COL23A1: variants seen among roughly 807,000 people sequenced by gnomAD.
COL23A1 encodes the protein collagen alpha-1(XXIII) chain.
In COL23A1, 97 loss-of-function variants were observed where a neutral mutation model predicts 99.3. The ratio of observed to expected loss-of-function variants is 0.98; its 90% CI spans 0.83 to 1.16. The LOEUF (loss-of-function observed/expected upper bound fraction) is 1.16, where lower values mean the gene tolerates loss of function less well. Among genes scored for constraint, COL23A1 ranks in the 50% most tolerant of loss-of-function variants. COL23A1 has a pLI of 0.00. For missense variants in COL23A1, 762 were observed against 757.4 expected (o/e 1.01, Z -0.07); for synonymous variants, 320 against 308.2 (o/e 1.04, Z -0.40).
At chr5:178,328,429 A>T (rs1759819754) in intron 2 of COL23A1, among the ~76,000 whole-genome samples, 1 of 152,234 alleles carries the variant, frequency 6.6e-6, no homozygotes, top group Non-Finnish European at 1.5e-5. Flanking sequence ...AGCGCAGAGC[A>T]GCCTGGTAAA....
intron 2 of COL23A1, among the ~76,000 whole-genome samples, chr5:178,448,129 T>C (rs1003615131): frequency 1.3e-5 from 2 of 151,860 alleles, no homozygotes; most frequent in Non-Finnish European, 2.9e-5. Flanking sequence ...TTTGTTCTGT[T>C]AGTGCTAGTC....
intron 18 of COL23A1, among the ~76,000 whole-genome samples, chr5:178,249,704 ACACACACACACACT>A (rs1384441350): frequency 9.7e-6 from 1 of 103,122 alleles, no homozygotes; most frequent in Non-Finnish European, 2.2e-5. Context: ...ACACACACAC[ACACACACACACACT>A]CTCTCTCTCT....
At chr5:178,536,589 G>A (rs1760976969) in intron 2 of COL23A1, among the ~76,000 whole-genome samples, 1 of 152,230 alleles carries the variant, frequency 6.6e-6, no homozygotes, top group South Asian at 2.1e-4. Context: ...CCTGCTGGGA[G>A]CCTCCCAAGC....
At chr5:178,339,107 G>T (rs1157803794) in intron 2 of COL23A1, among the ~76,000 whole-genome samples, 1 of 152,130 alleles carries the variant, frequency 6.6e-6, no homozygotes, top group East Asian at 1.9e-4. Context: ...TCAAAGAGAG[G>T]TTCATGCTGT....
At chr5:178,551,323 CTTTA>C (rs1317715123) in intron 2 of COL23A1, among the ~76,000 whole-genome samples, 1 of 151,808 alleles carries the variant, frequency 6.6e-6, no homozygotes, top group Non-Finnish European at 1.5e-5. Context: ...ACTTCAAGAT[CTTTA>C]TTTATAGGAC....
chr5:178,397,336 T>C (rs1469018464), intron 2 of COL23A1, among the ~76,000 whole-genome samples: 2 of 152,220 alleles, frequency 1.3e-5, no homozygotes, highest in African/African-American at 4.8e-5. Flanking sequence ...CCGGCAGGCC[T>C]CTCGCAGGAG....
At chr5:178,546,206 C>T (rs896293560) in intron 2 of COL23A1, among the ~76,000 whole-genome samples, 18 of 152,024 alleles carry the variant, frequency 1.2e-4, no homozygotes, top group African/African-American at 3.1e-4. Flanking sequence ...TATGGGGTGG[C>T]GGGGGGCAGA....
At chr5:178,286,264 G>A (rs893281158) in intron 5 of COL23A1, among the ~76,000 whole-genome samples, 15 of 152,164 alleles carry the variant, frequency 9.9e-5, no homozygotes, top group African/African-American at 4.8e-5. Flanking sequence ...CCAGGGGCAC[G>A]GCTGCCAGAG....
chr5:178,296,981 A>G (rs1365633238), intron 3 of COL23A1, among the ~76,000 whole-genome samples: 1 of 152,110 alleles, frequency 6.6e-6, no homozygotes, highest in Non-Finnish European at 1.5e-5. Flanking sequence ...ACCCCTTTCC[A>G]GGGCTTCCCA....
At chr5:178,554,058 A>G (rs1296647786) in intron 2 of COL23A1, among the ~76,000 whole-genome samples, 3 of 152,166 alleles carry the variant, frequency 2.0e-5, no homozygotes, top group African/African-American at 7.2e-5. Flanking sequence ...CACAAGGAGG[A>G]TAAGTGTGAG....
chr5:178,493,099 C>G (rs1758016347), intron 2 of COL23A1, among the ~76,000 whole-genome samples: 1 of 152,188 alleles, frequency 6.6e-6, no homozygotes, highest in Admixed American at 6.5e-5. Flanking sequence ...ACTAGCTATT[C>G]CTGTTCTCCA....
intron 2 of COL23A1, among the ~76,000 whole-genome samples, chr5:178,501,980 G>A (rs1758561429): frequency 6.6e-6 from 1 of 152,210 alleles, no homozygotes; most frequent in Admixed American, 6.5e-5. Flanking sequence ...CACTAAGAAG[G>A]TGTCAATAGG....
intron 2 of COL23A1, among the ~76,000 whole-genome samples, chr5:178,444,155 G>GTGAT (rs891769206): frequency 6.6e-6 from 1 of 152,154 alleles, no homozygotes; most frequent in Non-Finnish European, 1.5e-5. Context: ...GCAGTAAGCT[G>GTGAT]TGATTGCACC....
chr5:178,299,458 T>C (rs1312366396), intron 3 of COL23A1, among the ~76,000 whole-genome samples: 1 of 152,200 alleles, frequency 6.6e-6, no homozygotes, highest in African/African-American at 2.4e-5. Flanking sequence ...TGTTTCCTTT[T>C]AATCCTTTTC....
Position 178,249,716 on chromosome 5 carries a change from A to ACACACTCTCT in COL23A1, c.1059+344_1059+345insAGAGAGTGTG. Among the ~76,000 whole-genome samples, 182 of 92,804 alleles carry ACACACTCTCT rather than the reference A, an allele frequency of 2.0e-3. 1 individual carries two copies. Among genetic ancestry groups the ACACACTCTCT allele is most frequent in the African/African-American group, 7.5e-3 (175 of 23,480 alleles). The allele number at this position is 92,804 out of a possible 152,430, so 60.9% of individuals were successfully genotyped here. A position where few individuals can be genotyped will look rare whatever the true frequency, so the allele number is the denominator to read the frequency against. On this transcript the variant is annotated intron_variant, in intron 18 of 28. Coordinates refer to ENST00000390654, the MANE Select transcript of COL23A1 (RefSeq NM_173465.4). Reference sequence around the variant, plus strand: ...CACACACACACACACACACACACACACTCTCTCTCTCTCTCTCTCTCTCTC... The same window carrying ACACACTCTCT: ...CACACACACACACACACACACACACACACACTCTCTCTCTCTCTCTCTCTCTCTCTCTCTC...
intron 2 of COL23A1, among the ~76,000 whole-genome samples, chr5:178,320,360 G>C (rs1414603943): frequency 6.6e-6 from 1 of 152,182 alleles, no homozygotes; most frequent in Non-Finnish European, 1.5e-5. Flanking sequence ...GAATCGGGAA[G>C]AAGTGGGCAC....
intron 2 of COL23A1, among the ~76,000 whole-genome samples, chr5:178,483,929 C>T (rs869405): frequency 0.09 from 13,740 of 152,194 alleles, 1,647 homozygotes; most frequent in East Asian, 0.57. Context: ...CGGCTCTGTG[C>T]TAGGCAAGAT....
intron 2 of COL23A1, among the ~76,000 whole-genome samples, chr5:178,429,442 A>G (rs1267736487): frequency 1.3e-5 from 2 of 152,248 alleles, no homozygotes; most frequent in Non-Finnish European, 2.9e-5. Context: ...GCGAAAGTTA[A>G]GCTCAGAAAC....
chr5:178,255,913 G>A lies in COL23A1; in HGVS notation c.882+440C>T, dbSNP rs778596787. 14 of 301,652 alleles carry A rather than the reference G, an allele frequency of 4.6e-5. No individual in the cohort carries two copies. The highest frequency in any genetic ancestry group is 3.3e-4 in the South Asian group (13 of 38,966). 18.7% of individuals were successfully genotyped at this position (301,652 alleles called of 1,614,324 possible). ...CCCTAAAGGTAAGGTATGTTGATAGGGGCTGGTCACAAAAGATCTGGGGCA... is the reference window on the plus strand; with the variant it reads ...CCCTAAAGGTAAGGTATGTTGATAGAGGCTGGTCACAAAAGATCTGGGGCA... On this transcript the variant is annotated intron_variant, in intron 15 of 28. Transcript: ENST00000390654. The surrounding 1 kb of genome is among the most constrained non-coding windows in gnomAD (Gnocchi z 4.2).
Sources: gnomAD v4.1 joint callset for allele counts (sites outside exome capture counted in the v4.1 genomes callset) on GRCh38, gnomAD v4.1.1 for gene constraint, Gnocchi (gnomAD v3.1) non-coding constraint, MANE v1.5 for transcripts, NCBI Gene and HGNC (gene_info 2026-07-23, HGNC 2026-07-21) for gene names.